Variants in RPS6KA5 observed in about 807,000 individuals in gnomAD.
The protein encoded by RPS6KA5 is ribosomal protein S6 kinase alpha-5.
RPS6KA5 carries 27 observed loss-of-function variants against 85.5 expected under a neutral mutation model. The observed-to-expected ratio is 0.32, with a 90% CI of 0.23 to 0.44. The LOEUF (loss-of-function observed/expected upper bound fraction) is 0.44, where lower values mean the gene tolerates loss of function less well. Ranked by LOEUF, RPS6KA5 falls within the 20% of genes least tolerant of loss-of-function variation. The pLI is 1.00. For synonymous variants in RPS6KA5, 334 were observed against 348.2 expected, an observed-to-expected ratio of 0.96 and a Z score of 0.46; for missense variants, 811 against 980.9, an observed-to-expected ratio of 0.83 and a Z score of 2.31.
intron 14 of RPS6KA5, among the ~76,000 whole-genome samples, chr14:90,883,191 A>T (rs1358203145): frequency 6.6e-6 from 1 of 152,198 alleles, no homozygotes; most frequent in Admixed American, 6.5e-5. Flanking sequence ...GTTTTCCACC[A>T]ATCCAATAGA....
chr14:90,908,032 C>T (rs1340846712), intron 7 of RPS6KA5, among the ~76,000 whole-genome samples: 2 of 152,218 alleles, frequency 1.3e-5, no homozygotes, highest in Non-Finnish European at 2.9e-5. Context: ...AGCATACTGA[C>T]TCTGCACCAT....
intron 3 of RPS6KA5, among the ~76,000 whole-genome samples, chr14:90,954,813 T>C (rs1388870092): frequency 6.6e-6 from 1 of 152,250 alleles, no homozygotes; most frequent in Non-Finnish European, 1.5e-5. Context: ...TAGTAGTTTG[T>C]GTCTTTCCTG....
At chr14:90,980,824 G>A (rs897254074) in intron 2 of RPS6KA5, among the ~76,000 whole-genome samples, 1 of 152,202 alleles carries the variant, frequency 6.6e-6, no homozygotes, top group African/African-American at 2.4e-5. Flanking sequence ...TCTTCCAAGA[G>A]GAGGAAGTTT....
chr14:91,054,045 T>C (rs2043203648), intron 1 of RPS6KA5, among the ~76,000 whole-genome samples: 1 of 152,204 alleles, frequency 6.6e-6, no homozygotes, highest in Non-Finnish European at 1.5e-5. Context: ...CATACATCTA[T>C]AGTCAACTGA....
chr14:90,988,188 TG>T (rs2040142351), intron 2 of RPS6KA5, among the ~76,000 whole-genome samples: 2 of 152,184 alleles, frequency 1.3e-5, no homozygotes, highest in Admixed American at 1.3e-4. Flanking sequence ...GGAAGACCTT[TG>T]GTGGTTGTTA....
chr14:91,030,496 C>T (rs1954782370), intron 1 of RPS6KA5, among the ~76,000 whole-genome samples: 1 of 151,382 alleles, frequency 6.6e-6, no homozygotes, highest in Non-Finnish European at 1.5e-5. Context: ...ATGTAAGCCT[C>T]CAGCCAGCAA....
Position 91,018,677 on chromosome 14 carries a change from C to G in RPS6KA5, c.104-17518G>C, listed in dbSNP as rs1344790805. On this transcript the variant is annotated intron_variant, in intron 1 of 16. Coordinates refer to ENST00000614987, the MANE Select transcript of RPS6KA5 (RefSeq NM_004755.4). ...ACTTACACCAGTGGTTTGCCGGGGG[C>G]TCTCAGGCCTTCAGCCACAGACTGA... 5.3e-5 allele frequency among the ~76,000 whole-genome samples: 8 copies of G among 152,282 alleles called. No individual in the cohort carries two copies. The East Asian group carries it at 1.5e-3, about 29-fold the overall frequency.
At chr14:90,884,383 T>G (rs561106380) in intron 14 of RPS6KA5, among the ~76,000 whole-genome samples, 1 of 152,320 alleles carries the variant, frequency 6.6e-6, no homozygotes, top group Non-Finnish European at 1.5e-5. Context: ...CTGGGGCACT[T>G]TGCATTTTGA....
rs1032754587 is a variant in RPS6KA5 at position 90,858,390 on chromosome 14, G to C, written c.*13684C>G. 6.6e-6 allele frequency: 1 copy of C among 152,098 alleles called. No individual in the cohort carries two copies. Among genetic ancestry groups the C allele is most frequent in the Non-Finnish European group, 1.5e-5 (1 of 68,022 alleles). 9.4% of individuals were successfully genotyped at this position (152,098 alleles called of 1,614,324 possible). ...TGATGTTAACATCACGTGTAGGAATGCTACATTTTCTAGGATTCGACATTT... is the reference window on the plus strand; with the variant it reads ...TGATGTTAACATCACGTGTAGGAATCCTACATTTTCTAGGATTCGACATTT... On this transcript the variant is annotated 3_prime_UTR_variant, in exon 17 of 17. Coordinates refer to ENST00000614987, the MANE Select transcript of RPS6KA5 (RefSeq NM_004755.4).
intron 5 of RPS6KA5, among the ~76,000 whole-genome samples, chr14:90,942,631 C>T (rs2037629862): frequency 6.6e-6 from 1 of 152,108 alleles, no homozygotes; most frequent in African/African-American, 2.4e-5. Flanking sequence ...AAAATTGGGT[C>T]TAGTAGATCT....
chr14:91,002,551 TAA>T (rs2040835485), intron 1 of RPS6KA5, among the ~76,000 whole-genome samples: 1 of 152,072 alleles, frequency 6.6e-6, no homozygotes, highest in Non-Finnish European at 1.5e-5. Context: ...TTTAAGAAAA[TAA>T]AACTCAACTA....
At chr14:90,917,849 T>C (rs531374217) in intron 7 of RPS6KA5, among the ~76,000 whole-genome samples, 3 of 152,312 alleles carry the variant, frequency 2.0e-5, no homozygotes, top group Non-Finnish European at 4.4e-5. Context: ...GGTGCACTAC[T>C]GCACATGTCT....
chr14:90,920,948 T>C (rs1392951084), intron 6 of RPS6KA5, among the ~76,000 whole-genome samples: 1 of 152,120 alleles, frequency 6.6e-6, no homozygotes, highest in African/African-American at 2.4e-5. Context: ...CCCAGGCTGG[T>C]CTTGAACTCT....
intron 6 of RPS6KA5, 128 bp from the exon 7 acceptor site, chr14:90,920,437 G>A (rs1172538589): frequency 1.6e-6 from 1 of 640,144 alleles, no homozygotes. Context: ...CTCCTTCTAT[G>A]TAAGGAGTAT....
chr14:91,034,083 A>G (rs8020354), intron 1 of RPS6KA5, among the ~76,000 whole-genome samples: 22,187 of 152,066 alleles, frequency 0.15, 1,830 homozygotes, highest in East Asian at 0.31. Context: ...GAGGCAGGCA[A>G]ATCACCTGAG....
At chr14:90,889,461 G>A (rs1426272077) in intron 14 of RPS6KA5, among the ~76,000 whole-genome samples, 1 of 152,034 alleles carries the variant, frequency 6.6e-6, no homozygotes, top group Non-Finnish European at 1.5e-5. Flanking sequence ...CTCCCATATA[G>A]TTGATGAGAA....
intron 1 of RPS6KA5, among the ~76,000 whole-genome samples, chr14:91,033,767 T>C (rs1172685875): frequency 2.0e-5 from 3 of 152,214 alleles, no homozygotes; most frequent in East Asian, 1.9e-4. Flanking sequence ...AGTATTTAAC[T>C]TGTAGGCATG....
chr14:90,932,115 ATCATTCAT>A (rs891623440), intron 5 of RPS6KA5, among the ~76,000 whole-genome samples: 3 of 152,052 alleles, frequency 2.0e-5, no homozygotes, highest in African/African-American at 4.8e-5. Context: ...CAATCATTCA[ATCATTCAT>A]TCATTCATTC....
intron 14 of RPS6KA5, among the ~76,000 whole-genome samples, chr14:90,876,451 G>A (rs969153316): frequency 1.3e-5 from 2 of 152,148 alleles, no homozygotes; most frequent in Non-Finnish European, 2.9e-5. Flanking sequence ...GTAGCCATAT[G>A]TTTGAAATCT....
Sources: allele counts gnomAD v4.1 joint callset (sites outside exome capture counted in the v4.1 genomes callset), GRCh38; gene constraint gnomAD v4.1.1; transcripts MANE v1.5; gene names NCBI Gene and HGNC (gene_info 2026-07-23, HGNC 2026-07-21).